The following FAM227B variants were observed in gnomAD, a reference collection of about 807,000 sequenced individuals.
FAM227B encodes the protein protein FAM227B.
In FAM227B, 88 loss-of-function variants were observed where a neutral mutation model predicts 73.8. The observed-to-expected ratio is 1.19, with a 90% CI of 1.00 to 1.42. The LOEUF is 1.42. Ranked by LOEUF, FAM227B falls within the 40% of genes most tolerant of loss-of-function variation. The pLI is 0.00. For synonymous variants in FAM227B, 210 were observed against 190.5 expected (o/e 1.10, Z -0.84); for missense variants, 632 against 590.9 (o/e 1.07, Z -0.72).
intron 11 of FAM227B, among the ~76,000 whole-genome samples, chr15:49,501,405 G>C (rs2058120735): frequency 6.6e-6 from 1 of 152,202 alleles, no homozygotes; most frequent in Non-Finnish European, 1.5e-5. Context: ...CCTTAGCAAA[G>C]AACTTGGCTG....
intron 9 of FAM227B, among the ~76,000 whole-genome samples, chr15:49,550,185 G>A (rs1241764997): frequency 2.7e-5 from 4 of 148,182 alleles, no homozygotes; most frequent in Middle Eastern, 3.5e-3. Context: ...CCTCCTGGAC[G>A]GGGTGGCTGG....
chr15:49,499,094 A>G (rs1391701815), intron 11 of FAM227B, among the ~76,000 whole-genome samples: 1 of 130,160 alleles, frequency 7.7e-6, no homozygotes, highest in Non-Finnish European at 1.6e-5. Flanking sequence ...TGAACCCGGG[A>G]GGCGGAGCTT....
chr15:49,407,944 C>T (rs1285500506), intron 11 of FAM227B, among the ~76,000 whole-genome samples: 1 of 152,002 alleles, frequency 6.6e-6, no homozygotes, highest in African/African-American at 2.4e-5. Context: ...AGCATGTAGC[C>T]TTTTGGGTCT....
At chr15:49,583,212 T>TA (rs1235003210) in intron 5 of FAM227B, among the ~76,000 whole-genome samples, 1 of 151,352 alleles carries the variant, frequency 6.6e-6, no homozygotes, top group Non-Finnish European at 1.5e-5. Flanking sequence ...TTTTTTTTTT[T>TA]AATTAACAAA....
At chr15:49,437,055 G>C (rs921197807) in intron 11 of FAM227B, among the ~76,000 whole-genome samples, 3 of 151,464 alleles carry the variant, frequency 2.0e-5, no homozygotes, top group Admixed American at 6.6e-5. Flanking sequence ...AATTTAACTT[G>C]GTTGTATTTT....
At chr15:49,372,985 T>C (rs776184254) in intron 11 of FAM227B, among the ~76,000 whole-genome samples, 5 of 152,052 alleles carry the variant, frequency 3.3e-5, no homozygotes, top group Non-Finnish European at 5.9e-5. Context: ...AGAAAGAATA[T>C]TAGATTTAGA....
intron 13 of FAM227B, among the ~76,000 whole-genome samples, chr15:49,339,699 T>C (rs1256912447): frequency 6.6e-6 from 1 of 152,098 alleles, no homozygotes; most frequent in Non-Finnish European, 1.5e-5. Flanking sequence ...GTATGGACGT[T>C]TAAGTTTGCT....
intron 11 of FAM227B, among the ~76,000 whole-genome samples, chr15:49,402,766 ACT>A (rs762169082): frequency 4.0e-5 from 6 of 151,410 alleles, no homozygotes; most frequent in Non-Finnish European, 8.9e-5. Context: ...CTATTCGAAT[ACT>A]CTTTCTTTCT....
intron 11 of FAM227B, among the ~76,000 whole-genome samples, chr15:49,483,993 A>C (rs181430062): frequency 4.3e-4 from 65 of 152,180 alleles, no homozygotes; most frequent in African/African-American, 1.6e-3. Flanking sequence ...TGTGGGAATA[A>C]GTAATATGAG....
chr15:49,506,357 A>C (rs186727427), intron 11 of FAM227B, among the ~76,000 whole-genome samples: 1 of 152,192 alleles, frequency 6.6e-6, no homozygotes, highest in Admixed American at 6.5e-5. Flanking sequence ...AAACCATTCT[A>C]AGTTCATAGA....
intron 10 of FAM227B, among the ~76,000 whole-genome samples, chr15:49,525,924 G>A (rs2060169544): frequency 6.6e-6 from 1 of 151,414 alleles, no homozygotes; most frequent in African/African-American, 2.4e-5. Context: ...ATAAACCTTA[G>A]AAAAGAGATG....
intron 11 of FAM227B, among the ~76,000 whole-genome samples, chr15:49,430,432 G>T (rs1184832332): frequency 3.3e-5 from 5 of 151,852 alleles, no homozygotes; most frequent in Non-Finnish European, 7.4e-5. Flanking sequence ...TTCAAAGGCA[G>T]AGGTTTAAGG....
rs112364869 is a variant in FAM227B, at chr15:49,569,600, T to C, written c.646-1254A>G. On this transcript the variant is annotated intron_variant, in intron 8 of 15. Coordinates refer to ENST00000299338, the MANE Select transcript of FAM227B (RefSeq NM_152647.3). Reference sequence around the variant, plus strand: ...AATGATTAAATCAAGCTACTTAATATATCCATTATCTCAGTTACTTATAAT... The same window carrying C: ...AATGATTAAATCAAGCTACTTAATACATCCATTATCTCAGTTACTTATAAT... Among the ~76,000 whole-genome samples, 711 of 152,136 alleles carry C rather than the reference T, an allele frequency of 4.7e-3. 8 individuals carry two copies. The highest frequency in any genetic ancestry group is 0.016 in the African/African-American group (673 of 41,560).
intron 9 of FAM227B, among the ~76,000 whole-genome samples, chr15:49,566,953 A>T (rs1419736970): frequency 6.6e-6 from 1 of 152,222 alleles, no homozygotes; most frequent in Non-Finnish European, 1.5e-5. Flanking sequence ...TCATAAAAGT[A>T]GAAACAGAAA....
chr15:49,507,505 G>A (rs1365925562), intron 11 of FAM227B, among the ~76,000 whole-genome samples: 1 of 152,034 alleles, frequency 6.6e-6, no homozygotes, highest in African/African-American at 2.4e-5. Context: ...AGTCAGACAC[G>A]AGACCTGAGC....
At chr15:49,406,700 G>T (rs2048536878) in intron 11 of FAM227B, among the ~76,000 whole-genome samples, 1 of 152,004 alleles carries the variant, frequency 6.6e-6, no homozygotes, top group South Asian at 2.1e-4. Context: ...AGGGCAGGGT[G>T]CATACACAGA....
intron 11 of FAM227B, among the ~76,000 whole-genome samples, chr15:49,409,279 G>A (rs898783141): frequency 1.1e-4 from 16 of 152,120 alleles, no homozygotes; most frequent in African/African-American, 3.6e-4. Context: ...GCATGCTAGG[G>A]ACACCCTCCC....
chr15:49,343,142 CCT>C (rs1159858292), intron 13 of FAM227B, among the ~76,000 whole-genome samples: 2 of 152,034 alleles, frequency 1.3e-5, no homozygotes, highest in Non-Finnish European at 2.9e-5. Flanking sequence ...TACTTTTTCT[CCT>C]CTCTCAGGAA....
At chr15:49,347,675 T>TA (rs763634779) in intron 13 of FAM227B, among the ~76,000 whole-genome samples, 10 of 152,262 alleles carry the variant, frequency 6.6e-5, no homozygotes, top group Non-Finnish European at 1.0e-4. Context: ...GCTACTTTGT[T>TA]AAAGAAGTCA....
Sources: gnomAD v4.1 joint callset for allele counts (sites outside exome capture counted in the v4.1 genomes callset) on GRCh38, gnomAD v4.1.1 for gene constraint, MANE v1.5 for transcripts, NCBI Gene and HGNC (gene_info 2026-07-23, HGNC 2026-07-21) for gene names.